The following DPM1 variants were observed in gnomAD, a reference collection of about 807,000 sequenced individuals.
DPM1 encodes the protein dolichyl-phosphate mannosyltransferase subunit 1, catalytic.
DPM1 carries 27 observed loss-of-function variants against 39.0 expected under a neutral mutation model. The ratio of observed to expected loss-of-function variants is 0.69; its 90% confidence interval spans 0.51 to 0.95. DPM1 has a LOEUF of 0.95. Ranked by LOEUF, DPM1 falls within the 40% of genes least tolerant of loss-of-function variation. The pLI is 0.00. For synonymous variants in DPM1, 124 were observed against 109.0 expected, an observed-to-expected ratio of 1.14 and a Z score of -0.86; for missense variants, 307 against 315.6, an observed-to-expected ratio of 0.97 and a Z score of 0.21.
chr20:50,942,587 T>A (rs1018546383), intron 5 of DPM1, among the ~76,000 whole-genome samples: 2 of 152,088 alleles, frequency 1.3e-5, no homozygotes, highest in Non-Finnish European at 2.9e-5. Flanking sequence ...GAGGATGGCT[T>A]GAGCCAGGGA....
intron 1 of DPM1, 114 bp downstream of exon 1, chr20:50,958,249 C>T (rs1986941107): frequency 2.1e-6 from 3 of 1,426,722 alleles, no homozygotes; most frequent in Admixed American, 1.9e-5. Flanking sequence ...CCCGGGCCTT[C>T]CTGTGTGAGG....
At chr20:50,953,750 T>C (rs1157811815) in intron 2 of DPM1, among the ~76,000 whole-genome samples, 1 of 152,198 alleles carries the variant, frequency 6.6e-6, no homozygotes. Flanking sequence ...TGAGGTTTTA[T>C]GACAAAAGTA....
Position 50,938,502 on chromosome 20 carries a change from C to T in DPM1, c.564-2240G>A, listed in dbSNP as rs1047934839. 2.0e-5 allele frequency among the ~76,000 whole-genome samples: 3 copies of T among 151,484 alleles called. No homozygotes were observed. The South Asian group carries it at 6.2e-4, about 32-fold the overall frequency. ...GGTTCACGCCATTCTCCTGCCTCAC[C>T]CTCCCGAGTAGCTGGGACTACAGGC... On this transcript the variant is annotated intron_variant, in intron 7 of 8. Transcript: ENST00000371588.
Position 50,934,921 on chromosome 20 carries a change from G to GA in DPM1, c.*210dup. 1 of 462,384 alleles carries GA rather than the reference G, an allele frequency of 2.2e-6. No individual in the cohort carries two copies. Among genetic ancestry groups the GA allele is most frequent in the Non-Finnish European group, 3.9e-6 (1 of 257,116 alleles). The allele number at this position is 462,384 out of a possible 1,614,324, so 28.6% of individuals were successfully genotyped here. ...TTTATAGGTCTCAATACAGCAAAAT[G>GA]AAAACGAAAATTGAGAACATTGCTC... On this transcript the variant is annotated 3_prime_UTR_variant, in exon 9 of 9. Coordinates refer to ENST00000371588, the MANE Select transcript of DPM1 (RefSeq NM_003859.3).
chr20:50,940,997 G>A (rs1468604463), intron 6 of DPM1, 64 bp from the exon 7 acceptor site: 26 of 1,416,800 alleles, frequency 1.8e-5, no homozygotes, highest in Admixed American at 6.7e-5. Context: ...GAAACACATC[G>A]AAGAACAGTG....
In DPM1 at chr20:50,935,232, G is replaced by A; in HGVS notation, c.683C>T (p.Pro228Leu). The A allele has an allele frequency of 6.4e-7, 1 of 1,573,416 alleles. No individual in the cohort carries two copies. The highest frequency in any genetic ancestry group is 8.6e-7 in the Non-Finnish European group (1 of 1,162,632). The change falls in exon 9 of 9, where the codon CCA (proline) becomes CTA (leucine). Residue 228 changes from proline (P) to leucine (L), a missense_variant. Coordinates refer to ENST00000371588, the MANE Select transcript of DPM1 (RefSeq NM_003859.3). ...RQLNYTIGEV[P>L]ISFVDRVYGE... is the part of the protein sequence containing the mutation. ...ATAAACACGATCCACAAATGATATT[G>A]GAACCTAGTTTAAAAAAAAAAAAGT... is the stretch of plus-strand genomic sequence containing the variant.
chr20:50,942,096 G>A lies in DPM1; in HGVS notation c.429C>T (p.Val143=), dbSNP rs755070736. Residue 143 remains valine, a synonymous_variant, in exon 6 of 9, where the codon GTC becomes GTT. Coordinates refer to ENST00000371588, the MANE Select transcript of DPM1 (RefSeq NM_003859.3). ...RKQKEGNFDI[V]SGTRYKGNGG... The stretch of plus-strand genomic sequence containing the variant: ...CATTTCCTTTGTAGCGAGTTCCAGA[G>A]ACAATATCAAAATTACCCTCCTTTT... The A allele has an allele frequency of 9.9e-6, 16 of 1,613,914 alleles. No homozygotes were observed. The highest frequency in any genetic ancestry group is 2.2e-5 in the East Asian group (1 of 44,894).
At chr20:50,947,575 A>T (rs1168113488) in intron 3 of DPM1, among the ~76,000 whole-genome samples, 5 of 152,240 alleles carry the variant, frequency 3.3e-5, no homozygotes, top group Non-Finnish European at 7.3e-5. Flanking sequence ...TTCCTCTCAG[A>T]ATTACTGAGC....
At chr20:50,944,261 A>C (rs954573540) in intron 5 of DPM1, 1 of 152,334 alleles carries the variant, frequency 6.6e-6, no homozygotes, top group African/African-American at 2.4e-5. Context: ...TATTTCCTTG[A>C]CTACATCCCA....
At position 50,958,402 on chromosome 20, in the gene DPM1, G is replaced by T; in HGVS notation, c.122C>A (p.Pro41Gln). 1 of 1,614,022 alleles carries T rather than the reference G, an allele frequency of 6.2e-7. No homozygotes were observed. Among genetic ancestry groups the T allele is most frequent in the Non-Finnish European group, 8.5e-7 (1 of 1,180,042 alleles). Residue 41 changes from proline to glutamine, a missense_variant, in exon 1 of 9, where the codon CCG (proline) becomes CAG (glutamine). By Grantham distance (76) the Pro-to-Gln change is moderately conservative. Transcript: ENST00000371588. ...TTTCACCAGCAGCCACACGATGAGCGGCAGGTTCTCGCGCTCGTTGTAGGT... is the reference window on the plus strand; with the variant it reads ...TTTCACCAGCAGCCACACGATGAGCTGCAGGTTCTCGCGCTCGTTGTAGGT... ...LPTYNERENL[P>Q]LIVWLLVKSF...
intron 1 of DPM1, among the ~76,000 whole-genome samples, chr20:50,956,695 G>A (rs1986838507): frequency 6.6e-6 from 1 of 152,184 alleles, no homozygotes; most frequent in South Asian, 2.1e-4. Context: ...AATGACTTTG[G>A]CTTCCCACTG....
chr20:50,944,108 T>C (rs552378850), intron 5 of DPM1, among the ~76,000 whole-genome samples: 23 of 152,250 alleles, frequency 1.5e-4, no homozygotes, highest in Non-Finnish European at 2.9e-4. Flanking sequence ...AAAAGGGTTA[T>C]AGCAACTTAT....
In DPM1 at chr20:50,940,818, A is replaced by C. The variant is rs1985662658; in HGVS notation, c.563+47T>G. On this transcript the variant is annotated intron_variant, in intron 7 of 8. Transcript: ENST00000371588. ...CTCTTTAAAATATCCATTGTAAAGA[A>C]AGTTAGCCAAGAAGTTATATAAAAG... 2.8e-6 allele frequency: 4 copies of C among 1,411,286 alleles called. No individual in the cohort carries two copies. In the Admixed American group the frequency reaches 6.7e-5, roughly 24 times the overall value. The allele number at this position is 1,411,286 out of a possible 1,614,324, so 87.4% of individuals were successfully genotyped here. A position where few individuals can be genotyped will look rare whatever the true frequency, so the allele number is the denominator to read the frequency against.
chr20:50,936,568 A>C (rs183697155), intron 7 of DPM1, among the ~76,000 whole-genome samples: 83 of 152,374 alleles, frequency 5.4e-4, no homozygotes, highest in African/African-American at 2.0e-3. Flanking sequence ...TTGATGCAGA[A>C]CCATCCATTA....
intron 2 of DPM1, 138 bp downstream of exon 2, chr20:50,955,048 T>C: frequency 1.3e-6 from 1 of 744,532 alleles, no homozygotes; most frequent in Non-Finnish European, 2.2e-6. Context: ...CAAAAATGCA[T>C]TTAAATCCCA....
intron 3 of DPM1, 138 bp from the exon 4 acceptor site, chr20:50,946,061 A>C: frequency 1.3e-6 from 1 of 763,422 alleles, no homozygotes; most frequent in African/African-American, 1.7e-5. Flanking sequence ...GGTATTTTTC[A>C]CCTTAAGTAC....
intron 3 of DPM1, 147 bp downstream of exon 3, chr20:50,948,482 T>C: frequency 1.2e-6 from 1 of 856,116 alleles, no homozygotes; most frequent in Non-Finnish European, 2.0e-6. Context: ...GCGACCCAAG[T>C]TATACCATTT....
chr20:50,946,255 G>T (rs1473169437), intron 3 of DPM1, among the ~76,000 whole-genome samples: 4 of 152,174 alleles, frequency 2.6e-5, no homozygotes, highest in African/African-American at 9.7e-5. Context: ...AAACCCATCT[G>T]GTGTTTCCTT....
At chr20:50,942,160 C>A in intron 5 of DPM1, 34 bp from the exon 6 acceptor site, 3 of 1,567,798 alleles carry the variant, frequency 1.9e-6, no homozygotes, top group Non-Finnish European at 2.6e-6. Context: ...TTAGAAAAAG[C>A]CACTGAGCTT....
Sources: gnomAD v4.1 joint callset for allele counts (sites outside exome capture counted in the v4.1 genomes callset) on GRCh38, gnomAD v4.1.1 for gene constraint, MANE v1.5 for transcripts, NCBI Gene and HGNC (gene_info 2026-07-23, HGNC 2026-07-21) for gene names.